ADCYAP1R1: variants seen among roughly 807,000 people sequenced by gnomAD.
ADCYAP1R1 encodes the protein ADCYAP receptor type I.
ADCYAP1R1 carries 44 observed loss-of-function variants against 67.6 expected under a neutral mutation model. The observed-to-expected ratio is 0.65, with a 90% confidence interval of 0.51 to 0.84. The LOEUF (loss-of-function observed/expected upper bound fraction) is 0.84, where lower values mean the gene tolerates loss of function less well. Among genes scored for constraint, ADCYAP1R1 ranks in the 40% least tolerant of loss-of-function variants. ADCYAP1R1 has a pLI of 0.00. For synonymous variants in ADCYAP1R1, 222 were observed against 219.6 expected, an observed-to-expected ratio of 1.01 and a Z score of -0.10; for missense variants, 477 against 587.9, an observed-to-expected ratio of 0.81 and a Z score of 1.95.
chr7:31,096,781 C>T (rs534334211), intron 13 of ADCYAP1R1, among the ~76,000 whole-genome samples: 1 of 152,186 alleles, frequency 6.6e-6, no homozygotes, highest in African/African-American at 2.4e-5. Context: ...TCCGGGGGTG[C>T]ACAGCATCTT....
In ADCYAP1R1 at chr7:31,063,326, A is replaced by G. The variant is rs1794588616; in HGVS notation, c.51+11A>G. The G allele has an allele frequency of 6.2e-7, 1 of 1,614,034 alleles. No homozygotes were observed. The highest frequency in any genetic ancestry group is 8.5e-7 in the Non-Finnish European group (1 of 1,180,010). On this transcript the variant is annotated intron_variant, in intron 2 of 15. Transcript: ENST00000304166. ...CTCCTGCTGCCTATGGTAAGGGCCC[A>G]GGAACATCTCTCTGGGAGCCCCAGG...
chr7:31,085,256 G>T (rs187347156), intron 8 of ADCYAP1R1, 54 bp from the exon 9 acceptor site: 2 of 1,583,418 alleles, frequency 1.3e-6, no homozygotes, highest in Non-Finnish European at 1.7e-6. Context: ...CACATGGAGG[G>T]TGTGAAATGC....
rs372937332 is a variant in ADCYAP1R1, at chr7:31,084,255, G to T, written c.438+5G>T. On this transcript the variant is annotated splice_donor_5th_base_variant and intron_variant, in intron 7 of 15. Transcript: ENST00000304166. ...GAATCTGAGACTGGGGACCAGGTGA[G>T]TGTCTGCACCCTGCTCCCCAGAGGT... The T allele has an allele frequency of 6.2e-7, 1 of 1,611,886 alleles. No individual in the cohort carries two copies.
At chr7:31,062,438 G>A (rs1019381820) in intron 1 of ADCYAP1R1, among the ~76,000 whole-genome samples, 2 of 152,214 alleles carry the variant, frequency 1.3e-5, no homozygotes, top group Non-Finnish European at 2.9e-5. Flanking sequence ...CAAAAAGTGG[G>A]TGTAATTGTT....
chr7:31,098,958 G>A (rs763829934), intron 13 of ADCYAP1R1, among the ~76,000 whole-genome samples: 3 of 152,200 alleles, frequency 2.0e-5, no homozygotes, highest in Non-Finnish European at 4.4e-5. Flanking sequence ...CCTGAGGAGA[G>A]TTAGTGAAGT....
In ADCYAP1R1 at chr7:31,106,885, C is replaced by T; in HGVS notation, c.*201C>T. ...TGGTACTGGTCCCACCCACTGTGGTCCCCTGGGCCCTGACCCCAGACATGT... is the reference window on the plus strand; with the variant it reads ...TGGTACTGGTCCCACCCACTGTGGTTCCCTGGGCCCTGACCCCAGACATGT... On this transcript the variant is annotated 3_prime_UTR_variant, in exon 16 of 16. Transcript: ENST00000304166. 1 of 618,774 alleles carries T rather than the reference C, an allele frequency of 1.6e-6. No individual in the cohort carries two copies. The highest frequency in any genetic ancestry group is 2.7e-6 in the Non-Finnish European group (1 of 374,978). The allele number at this position is 618,774 out of a possible 1,614,324, so 38.3% of individuals were successfully genotyped here.
intron 1 of ADCYAP1R1, among the ~76,000 whole-genome samples, chr7:31,057,830 G>A (rs1302487874): frequency 1.3e-5 from 2 of 152,312 alleles, no homozygotes; most frequent in East Asian, 3.9e-4. Flanking sequence ...AATGGAGCAC[G>A]GGGAGAGCAG....
chr7:31,077,984 C>T lies in ADCYAP1R1; in HGVS notation c.158-7C>T, dbSNP rs369285691. On this transcript the variant is annotated splice_region_variant and splice_polypyrimidine_tract_variant and intron_variant, in intron 3 of 15. Coordinates refer to ENST00000304166, the MANE Select transcript of ADCYAP1R1 (RefSeq NM_001118.5). Reference sequence around the variant, plus strand: ...GGCCCCTCTCACCATGGCTGTCTTACCCACAGGCTGTCCTGGGATGTGGGA... The same window carrying T: ...GGCCCCTCTCACCATGGCTGTCTTATCCACAGGCTGTCCTGGGATGTGGGA... 65 of 1,599,612 alleles carry T rather than the reference C, an allele frequency of 4.1e-5. No homozygotes were observed. In the African/African-American group the frequency reaches 7.9e-4, roughly 19 times the overall value.
At chr7:31,095,126 A>G (rs184967222) in intron 13 of ADCYAP1R1, among the ~76,000 whole-genome samples, 14 of 152,314 alleles carry the variant, frequency 9.2e-5, no homozygotes. Context: ...GCACTTGGAA[A>G]TACTCGCGAC....
intron 15 of ADCYAP1R1, among the ~76,000 whole-genome samples, chr7:31,105,177 C>T (rs926389591): frequency 2.6e-5 from 4 of 152,368 alleles, no homozygotes; most frequent in Admixed American, 1.3e-4. Flanking sequence ...CTGGTAAAAG[C>T]GTCGGCTCTG....
chr7:31,091,133 C>T (rs1487734603), intron 12 of ADCYAP1R1, among the ~76,000 whole-genome samples: 6 of 152,196 alleles, frequency 3.9e-5, no homozygotes, highest in Non-Finnish European at 7.3e-5. Flanking sequence ...GAGATGGTAT[C>T]TCATTGTGGT....
intron 4 of ADCYAP1R1, 60 bp downstream of exon 4, chr7:31,078,158 C>A: frequency 7.0e-7 from 1 of 1,427,714 alleles, no homozygotes; most frequent in Non-Finnish European, 9.6e-7. Context: ...AAATTCGGCC[C>A]CAGGCAAGCA....
chr7:31,107,547 TC>T lies in ADCYAP1R1; in HGVS notation c.*865del, dbSNP rs929705729. ...TTCTGGTCATCTCCCTTCCACCTCT[TC>T]CACCCTCATGGATGCCTTCCAGAAG... On this transcript the variant is annotated 3_prime_UTR_variant, in exon 16 of 16. Coordinates refer to ENST00000304166, the MANE Select transcript of ADCYAP1R1 (RefSeq NM_001118.5). 6.6e-6 allele frequency: 1 copy of T among 152,224 alleles called. No homozygotes were observed. The highest frequency in any genetic ancestry group is 1.5e-5 in the Non-Finnish European group (1 of 68,100). The allele number at this position is 152,224 out of a possible 1,614,324, so 9.4% of individuals were successfully genotyped here.
At chr7:31,066,617 G>A (rs1198500377) in intron 3 of ADCYAP1R1, among the ~76,000 whole-genome samples, 2 of 149,504 alleles carry the variant, frequency 1.3e-5, no homozygotes, top group Non-Finnish European at 3.0e-5. Flanking sequence ...AAACCTGGCT[G>A]CACATCTGAA....
intron 12 of ADCYAP1R1, among the ~76,000 whole-genome samples, chr7:31,090,512 G>A (rs1368450666): frequency 3.9e-5 from 6 of 152,220 alleles, no homozygotes; most frequent in African/African-American, 4.8e-5. Flanking sequence ...AATTGATCCC[G>A]TCACCCAGGT....
intron 8 of ADCYAP1R1, 51 bp downstream of exon 8, chr7:31,084,885 A>T: frequency 6.5e-7 from 1 of 1,528,514 alleles, no homozygotes; most frequent in Non-Finnish European, 9.1e-7. Context: ...CCAGGGCCTC[A>T]GAGGCCTTGG....
intron 6 of ADCYAP1R1, 56 bp downstream of exon 6, chr7:31,081,810 A>G: frequency 6.8e-7 from 1 of 1,466,260 alleles, no homozygotes; most frequent in South Asian, 1.3e-5. Flanking sequence ...GCGTCTGCTG[A>G]CATGTGAGCT....
At chr7:31,077,103 G>T (rs1175234357) in intron 3 of ADCYAP1R1, among the ~76,000 whole-genome samples, 1 of 152,188 alleles carries the variant, frequency 6.6e-6, no homozygotes, top group Non-Finnish European at 1.5e-5. Context: ...CTGTTTGAGG[G>T]ATATTACCGG....
chr7:31,062,611 A>G (rs1346122032), intron 1 of ADCYAP1R1, among the ~76,000 whole-genome samples: 1 of 152,168 alleles, frequency 6.6e-6, no homozygotes, highest in Non-Finnish European at 1.5e-5. Context: ...CTCCTCTTGC[A>G]GCATTGCGCC....
Sources: gnomAD v4.1 joint callset for allele counts (sites outside exome capture counted in the v4.1 genomes callset) on GRCh38, gnomAD v4.1.1 for gene constraint, MANE v1.5 for transcripts, NCBI Gene and HGNC (gene_info 2026-07-23, HGNC 2026-07-21) for gene names.